Variants in SERINC5 observed in about 807,000 individuals in gnomAD.
The protein encoded by SERINC5 is serine incorporator 5.
A neutral mutation model predicts 63.1 loss-of-function variants in SERINC5; 41 were observed. The ratio of observed to expected loss-of-function variants is 0.65; its 90% CI spans 0.51 to 0.84. The LOEUF (loss-of-function observed/expected upper bound fraction) is 0.84, where lower values mean the gene tolerates loss of function less well. SERINC5 is among the 40% of genes least tolerant of loss of function. The pLI, the probability that SERINC5 is intolerant of heterozygous loss-of-function variation, is 0.00. For missense variants in SERINC5, 523 were observed against 573.0 expected (o/e 0.91, Z 0.89); for synonymous variants, 222 against 215.2 (o/e 1.03, Z -0.28).
At chr5:80,222,587 T>TGTGTGTGTGTGTGTGTGTG (rs1580187041) in intron 1 of SERINC5, among the ~76,000 whole-genome samples, 2 of 151,744 alleles carry the variant, frequency 1.3e-5, no homozygotes, top group Non-Finnish European at 2.9e-5. Context: ...TGTGTGTGTG[T>TGTGTGTGTGTGTGTGTGTG]TTGAGACGGA....
chr5:80,194,766 TA>T (rs1331604553), intron 2 of SERINC5, among the ~76,000 whole-genome samples: 3 of 152,146 alleles, frequency 2.0e-5, no homozygotes, highest in African/African-American at 7.2e-5. Context: ...ATATGCTTGA[TA>T]AAAGGCATTT....
chr5:80,239,826 T>G (rs1455285159), intron 1 of SERINC5, among the ~76,000 whole-genome samples: 1 of 152,160 alleles, frequency 6.6e-6, no homozygotes, highest in African/African-American at 2.4e-5. Flanking sequence ...GATAGGAAGT[T>G]CCTGCCTCTG....
chr5:80,137,642 CAAA>C (rs57807742), downstream of SERINC5, among the ~76,000 whole-genome samples: 2 of 104,770 alleles, frequency 1.9e-5, no homozygotes, highest in African/African-American at 3.3e-5. Flanking sequence ...GACTCTAACT[CAAA>C]AAAAAAAAAA....
intron 1 of SERINC5, among the ~76,000 whole-genome samples, chr5:80,253,059 A>C (rs1190056322): frequency 6.6e-6 from 1 of 152,012 alleles, no homozygotes; most frequent in Non-Finnish European, 1.5e-5. Context: ...CTTCCTAACA[A>C]TTTCCTACTT....
At chr5:80,208,011 T>C (rs1022548679) in intron 1 of SERINC5, among the ~76,000 whole-genome samples, 8 of 152,194 alleles carry the variant, frequency 5.3e-5, no homozygotes, top group Non-Finnish European at 1.2e-4. Context: ...AGCATGTCAC[T>C]CACTTTCAAA....
Position 80,142,294 on chromosome 5 carries a change from C to T in SERINC5, c.*1369G>A, listed in dbSNP as rs958687967. 4 of 985,236 alleles carry T rather than the reference C, an allele frequency of 4.1e-6. No individual in the cohort carries two copies. Among genetic ancestry groups the T allele is most frequent in the East Asian group, 1.1e-4 (1 of 8,812 alleles). The allele number at this position is 985,236 out of a possible 1,614,324, so 61.0% of individuals were successfully genotyped here. A position where few individuals can be genotyped will look rare whatever the true frequency, so the allele number is the denominator to read the frequency against. On this transcript the variant is annotated 3_prime_UTR_variant, in exon 12 of 12. Coordinates refer to ENST00000507668, the MANE Select transcript of SERINC5 (RefSeq NM_001174072.3). ...ACGTATTTTGGAAATTCCTGTGCAG[C>T]GTGATCTCGGCTCACTGCAACCTCC...
rs573823126 is a variant in SERINC5 at position 80,140,087 on chromosome 5, T to C, written c.*3576A>G. ...GTTTACGCCTATAATCCCAGCACTT[T>C]GGGAAGCCAAGGCGGGCACATTGCT... On this transcript the variant is annotated 3_prime_UTR_variant, in exon 12 of 12. Coordinates refer to ENST00000507668, the MANE Select transcript of SERINC5 (RefSeq NM_001174072.3). 9.2e-6 allele frequency: 9 copies of C among 974,408 alleles called. No individual in the cohort carries two copies. The highest frequency in any genetic ancestry group is 6.2e-5 in the Admixed American group (1 of 16,250). 60.4% of individuals were successfully genotyped at this position (974,408 alleles called of 1,614,324 possible).
Position 80,141,952 on chromosome 5 carries a change from A to G in SERINC5, c.*1711T>C. 3 of 985,406 alleles carry G rather than the reference A, an allele frequency of 3.0e-6. No homozygotes were observed. The South Asian group carries it at 1.4e-4, about 46-fold the overall frequency. The allele number at this position is 985,406 out of a possible 1,614,324, so 61.0% of individuals were successfully genotyped here. ...TTGTTTCCCCATGGGTTTTCTTGGG[A>G]GAAGGGCAAAGGAATGAATAGAAAG... On this transcript the variant is annotated 3_prime_UTR_variant, in exon 12 of 12. Coordinates refer to ENST00000507668, the MANE Select transcript of SERINC5 (RefSeq NM_001174072.3).
intron 11 of SERINC5, chr5:80,128,550 G>A (rs1401643094): frequency 1.3e-5 from 2 of 152,280 alleles, no homozygotes; most frequent in African/African-American, 4.8e-5. Context: ...CTTGTGGGGA[G>A]GGGAGGCAGT....
downstream of SERINC5, among the ~76,000 whole-genome samples, chr5:80,137,633 A>T (rs1274766717): frequency 8.0e-6 from 1 of 124,996 alleles, no homozygotes; most frequent in African/African-American, 3.0e-5. Context: ...ACCAAGCAAG[A>T]CTCTAACTCA....
intron 1 of SERINC5, among the ~76,000 whole-genome samples, chr5:80,211,078 T>C (rs1194632272): frequency 6.6e-6 from 1 of 152,152 alleles, no homozygotes; most frequent in Non-Finnish European, 1.5e-5. Context: ...CCATAACTTC[T>C]TAGATGTTGA....
chr5:80,177,093 T>G lies in SERINC5; in HGVS notation c.457+222A>C, dbSNP rs143842001. Among the ~76,000 whole-genome samples, 224 of 152,178 alleles carry G rather than the reference T, an allele frequency of 1.5e-3. 1 individual carries two copies. Among genetic ancestry groups the G allele is most frequent in the African/African-American group, 5.0e-3 (209 of 41,524 alleles). On this transcript the variant is annotated intron_variant, in intron 4 of 11. Coordinates refer to ENST00000507668, the MANE Select transcript of SERINC5 (RefSeq NM_001174072.3). ...CTCCCAGGCCAGCAGAGTATCAGAG[T>G]CCTCTTACACCCTACCTGGAAGTGG...
At chr5:80,234,892 T>TG (rs2112574254) in intron 1 of SERINC5, among the ~76,000 whole-genome samples, 1 of 152,346 alleles carries the variant, frequency 6.6e-6, no homozygotes, top group South Asian at 2.1e-4. Context: ...CTTGGCTACC[T>TG]GTTCCTCACA....
chr5:80,249,839 ATAAG>A (rs1028798722), intron 1 of SERINC5, among the ~76,000 whole-genome samples: 3 of 152,012 alleles, frequency 2.0e-5, no homozygotes, highest in African/African-American at 7.2e-5. Context: ...AATATTAAAT[ATAAG>A]TAACTGACTA....
chr5:80,197,979 A>G (rs374134240), intron 2 of SERINC5, among the ~76,000 whole-genome samples: 2 of 152,158 alleles, frequency 1.3e-5, no homozygotes, highest in East Asian at 1.9e-4. Flanking sequence ...AGCTGGGACT[A>G]CAGGTGCACA....
intron 8 of SERINC5, chr5:80,157,655 A>C (rs1218486922): frequency 6.6e-6 from 1 of 152,170 alleles, no homozygotes; most frequent in Non-Finnish European, 1.5e-5. Context: ...TGCACCACGC[A>C]GCCTGCTTCC....
At position 80,184,297 on chromosome 5, in the gene SERINC5, A is replaced by G. The variant is rs116261677; in HGVS notation, c.196-6233T>C. ...CTAATTCCTGAACCACATCTTCCCC[A>G]TAACACATGCACATTAGCACCTCTT... is the stretch of plus-strand genomic sequence containing the variant. On this transcript the variant is annotated intron_variant, in intron 2 of 11. Transcript: ENST00000507668. Among the ~76,000 whole-genome samples, 1,305 of 152,256 alleles carry G rather than the reference A, an allele frequency of 8.6e-3. 20 individuals carry two copies. Among genetic ancestry groups the G allele is most frequent in the African/African-American group, 0.029 (1,212 of 41,530 alleles).
intron 9 of SERINC5, 27 bp from the exon 10 acceptor site, chr5:80,147,311 C>A (rs373257434): frequency 1.2e-6 from 2 of 1,601,050 alleles, no homozygotes; most frequent in East Asian, 2.2e-5. Context: ...AACAGTCAGG[C>A]GGCTTGTGTT....
chr5:80,187,509 A>T (rs1748886995), intron 2 of SERINC5, among the ~76,000 whole-genome samples: 1 of 151,890 alleles, frequency 6.6e-6, no homozygotes, highest in Non-Finnish European at 1.5e-5. Context: ...ATGAAATGGG[A>T]AACACTAAAA....
Sources: gnomAD v4.1 joint callset for allele counts (sites outside exome capture counted in the v4.1 genomes callset) on GRCh38, gnomAD v4.1.1 for gene constraint, MANE v1.5 for transcripts, NCBI Gene and HGNC (gene_info 2026-07-23, HGNC 2026-07-21) for gene names.